Variants in REC114 observed in about 807,000 individuals in gnomAD.
REC114 encodes the protein meiotic recombination protein REC114.
REC114 carries 27 observed loss-of-function variants against 31.3 expected under a neutral mutation model. The ratio of observed to expected loss-of-function variants is 0.86; its 90% CI spans 0.64 to 1.19. REC114 has a LOEUF of 1.19. Ranked by LOEUF, REC114 falls within the 50% of genes most tolerant of loss-of-function variation. The pLI is 0.00. For synonymous variants in REC114, 134 were observed against 127.7 expected (o/e 1.05, Z -0.33); for missense variants, 344 against 326.9 (o/e 1.05, Z -0.40).
At chr15:73,542,945 A>AC (rs1894259392) in intron 3 of REC114, among the ~76,000 whole-genome samples, 1 of 108,032 alleles carries the variant, frequency 9.3e-6, no homozygotes, top group Admixed American at 1.0e-4. Context: ...AGAAGTATAC[A>AC]CTTTTTTTTT....
At position 73,559,767 on chromosome 15, in the gene REC114, G is replaced by A; in HGVS notation, c.652G>A (p.Glu218Lys). ...TQLAQTLLASEELPHVYEQSA... is the reference protein window; with the variant it reads ...TQLAQTLLASKELPHVYEQSA... ...ATCCCTGCAGACTCTTCTGGCATCG[G>A]AGGAGCTGCCCCATGTCTATGAACA... Residue 218 changes from glutamate (E) to lysine (K), a missense_variant, in exon 6 of 6, where the codon GAG becomes AAG. By Grantham distance (56) the Glu-to-Lys change is moderately conservative. Transcript: ENST00000331090. The A allele has an allele frequency of 2.5e-6, 4 of 1,570,234 alleles. No homozygotes were observed. Among genetic ancestry groups the A allele is most frequent in the Non-Finnish European group, 3.4e-6 (4 of 1,164,302 alleles).
intron 2 of REC114, among the ~76,000 whole-genome samples, chr15:73,474,958 T>G (rs1893190997): frequency 6.6e-6 from 1 of 152,184 alleles, no homozygotes; most frequent in Non-Finnish European, 1.5e-5. Flanking sequence ...GCAGCATGCG[T>G]TGTACTATTT....
At chr15:73,451,012 A>G (rs1892838931) in intron 1 of REC114, among the ~76,000 whole-genome samples, 1 of 152,210 alleles carries the variant, frequency 6.6e-6, no homozygotes. Context: ...TTATAGTACT[A>G]AATGCCCACA....
At chr15:73,475,827 C>T (rs916574899) in intron 2 of REC114, among the ~76,000 whole-genome samples, 1 of 152,102 alleles carries the variant, frequency 6.6e-6, no homozygotes, top group Non-Finnish European at 1.5e-5. Context: ...ACAGTAATGT[C>T]CTAGGCCATC....
At chr15:73,457,831 A>G (rs1404164187) in intron 1 of REC114, among the ~76,000 whole-genome samples, 2 of 152,180 alleles carry the variant, frequency 1.3e-5, no homozygotes, top group African/African-American at 4.8e-5. Flanking sequence ...ACAAAGCATT[A>G]TTAAATTATC....
chr15:73,491,400 C>T (rs1893444848), intron 2 of REC114, among the ~76,000 whole-genome samples: 2 of 151,482 alleles, frequency 1.3e-5, no homozygotes, highest in Non-Finnish European at 2.9e-5. Context: ...TCAATTTGCT[C>T]ATCTATTAAC....
chr15:73,509,984 C>G (rs2141314034), intron 2 of REC114, among the ~76,000 whole-genome samples: 1 of 152,040 alleles, frequency 6.6e-6, no homozygotes, highest in South Asian at 2.1e-4. Flanking sequence ...TGAAGAAAGT[C>G]ATTGGTATCT....
Position 73,542,961 on chromosome 15 carries a change from T to A in REC114, c.333+2393T>A, listed in dbSNP as rs181167680. On this transcript the variant is annotated intron_variant, in intron 3 of 5. Coordinates refer to ENST00000331090, the MANE Select transcript of REC114 (RefSeq NM_001042367.2). ...GAAGTATACACTTTTTTTTTTTTTT[T>A]TATATAAATTTGCCCTCCCGATAGG... 6.1e-3 allele frequency among the ~76,000 whole-genome samples: 923 copies of A among 151,026 alleles called. 9 individuals are homozygous for A. The highest frequency in any genetic ancestry group is 0.019 in the African/African-American group (782 of 41,062).
At position 73,459,014 on chromosome 15, in the gene REC114, CA is replaced by C. The variant is rs368572304; in HGVS notation, c.160-14813del. Among the ~76,000 whole-genome samples the C allele has an allele frequency of 5.6e-3, 850 of 152,236 alleles. 5 individuals carry two copies. Among genetic ancestry groups the C allele is most frequent in the African/African-American group, 0.019 (808 of 41,536 alleles). ...TTCTTTGAGCCCCTGGTTGGAATAA[CA>C]AAAACAACTACTTAATGAGTAATTA... is the stretch of plus-strand genomic sequence containing the variant. On this transcript the variant is annotated intron_variant, in intron 1 of 5. Coordinates refer to ENST00000331090, the MANE Select transcript of REC114 (RefSeq NM_001042367.2).
At chr15:73,505,255 T>C (rs1595872394) in intron 2 of REC114, among the ~76,000 whole-genome samples, 1 of 152,254 alleles carries the variant, frequency 6.6e-6, no homozygotes, top group East Asian at 1.9e-4. Flanking sequence ...ACCTTTTCTA[T>C]AATTTAGTTT....
chr15:73,495,891 T>A (rs530202101), intron 2 of REC114, among the ~76,000 whole-genome samples: 1 of 152,298 alleles, frequency 6.6e-6, no homozygotes, highest in Non-Finnish European at 1.5e-5. Context: ...ATTAAACTCT[T>A]CTTAAATCTT....
At chr15:73,511,187 G>A (rs1214551893) in intron 2 of REC114, among the ~76,000 whole-genome samples, 9 of 152,154 alleles carry the variant, frequency 5.9e-5, no homozygotes, top group Non-Finnish European at 7.4e-5. Flanking sequence ...TGTATGTGTC[G>A]AGGAATTTAT....
At chr15:73,471,821 G>A (rs1327781707) in intron 1 of REC114, among the ~76,000 whole-genome samples, 1 of 152,148 alleles carries the variant, frequency 6.6e-6, no homozygotes, top group Non-Finnish European at 1.5e-5. Flanking sequence ...ATCATAGAAG[G>A]TATTCAAGAA....
chr15:73,476,922 T>C (rs1893222892), intron 2 of REC114, among the ~76,000 whole-genome samples: 2 of 152,246 alleles, frequency 1.3e-5, no homozygotes, highest in Non-Finnish European at 2.9e-5. Context: ...ATATGGTGTG[T>C]CTGTGTTTAA....
chr15:73,461,830 C>CT (rs1892991161), intron 1 of REC114, among the ~76,000 whole-genome samples: 1 of 149,828 alleles, frequency 6.7e-6, no homozygotes, highest in Admixed American at 6.7e-5. Context: ...AAGATGTAAA[C>CT]TTTATGTATG....
At chr15:73,530,530 C>G (rs965494988) in intron 2 of REC114, among the ~76,000 whole-genome samples, 4 of 152,088 alleles carry the variant, frequency 2.6e-5, no homozygotes, top group Non-Finnish European at 5.9e-5. Context: ...TGCCTATGGT[C>G]CCAGCTATTC....
At chr15:73,537,798 A>G (rs1349432163) in intron 2 of REC114, among the ~76,000 whole-genome samples, 1 of 152,214 alleles carries the variant, frequency 6.6e-6, no homozygotes, top group Non-Finnish European at 1.5e-5. Context: ...GCATAGAGAA[A>G]GCTTTTATTC....
At chr15:73,510,023 T>C (rs1893739729) in intron 2 of REC114, among the ~76,000 whole-genome samples, 2 of 152,120 alleles carry the variant, frequency 1.3e-5, no homozygotes, top group East Asian at 3.9e-4. Context: ...ATCTGTAAAT[T>C]ACCTTGGGCA....
rs575460928 is a variant in REC114 at position 73,460,603 on chromosome 15, T to C, written c.160-13229T>C. Among the ~76,000 whole-genome samples, 7 of 152,264 alleles carry C rather than the reference T, an allele frequency of 4.6e-5. No individual in the cohort carries two copies. In the East Asian group the frequency reaches 1.3e-3, roughly 29 times the overall value. On this transcript the variant is annotated intron_variant, in intron 1 of 5. Coordinates refer to ENST00000331090, the MANE Select transcript of REC114 (RefSeq NM_001042367.2). ...GTGAATGAATAGAAGAGCATGCCTA[T>C]GAAGATACCAAAGGTGAGTGAGAGT...
Sources: allele counts gnomAD v4.1 joint callset (sites outside exome capture counted in the v4.1 genomes callset), GRCh38; gene constraint gnomAD v4.1.1; transcripts MANE v1.5; gene names NCBI Gene and HGNC (gene_info 2026-07-23, HGNC 2026-07-21).